GRIK2: variants seen among roughly 807,000 people sequenced by gnomAD.
The protein encoded by GRIK2 is glutamate receptor ionotropic, kainate 2.
In GRIK2, 32 loss-of-function variants were observed where a neutral mutation model predicts 100.3. That is an observed-to-expected ratio of 0.32 (90% CI 0.24 to 0.43). The LOEUF (loss-of-function observed/expected upper bound fraction) is 0.43, where lower values mean the gene tolerates loss of function less well. Ranked by LOEUF, GRIK2 falls within the 20% of genes least tolerant of loss-of-function variation. The probability of loss-of-function intolerance (pLI) is 1.00; values close to 1 mark genes in which losing one functional copy is unlikely to be tolerated. For synonymous variants in GRIK2, 417 were observed against 389.4 expected (o/e 1.07, Z -0.83); for missense variants, 843 against 1,114.9 (o/e 0.76, Z 3.47).
intron 14 of GRIK2, among the ~76,000 whole-genome samples, chr6:101,992,097 G>A (rs1054580069): frequency 6.6e-5 from 10 of 151,634 alleles, no homozygotes; most frequent in African/African-American, 2.4e-4. Flanking sequence ...TTTAGTATTT[G>A]TGCAGGCATC....
At chr6:101,508,951 C>T (rs1046383310) in intron 2 of GRIK2, among the ~76,000 whole-genome samples, 7 of 151,806 alleles carry the variant, frequency 4.6e-5, no homozygotes, top group Non-Finnish European at 8.8e-5. Context: ...GGCAGGAGAT[C>T]GAGACCATCC....
intron 4 of GRIK2, among the ~76,000 whole-genome samples, chr6:101,647,840 G>A (rs191227670): frequency 2.3e-3 from 347 of 152,126 alleles, no homozygotes; most frequent in Middle Eastern, 0.01. Context: ...GAAGCAGAAG[G>A]CAACATTACA....
At chr6:101,920,945 G>T (rs553873017) in intron 12 of GRIK2, among the ~76,000 whole-genome samples, 1 of 152,050 alleles carries the variant, frequency 6.6e-6, no homozygotes, top group South Asian at 2.1e-4. Flanking sequence ...CTGGGAAGCG[G>T]TATATAGAGA....
chr6:101,865,547 G>A (rs1338502099), intron 11 of GRIK2, among the ~76,000 whole-genome samples: 1 of 152,120 alleles, frequency 6.6e-6, no homozygotes, highest in Non-Finnish European at 1.5e-5. Flanking sequence ...ACAGCACATT[G>A]TTTAATTTTG....
intron 3 of GRIK2, among the ~76,000 whole-genome samples, chr6:101,622,616 T>C (rs937245144): frequency 6.6e-6 from 1 of 152,036 alleles, no homozygotes; most frequent in Non-Finnish European, 1.5e-5. Context: ...GTATATTCCA[T>C]GCTCATATTT....
chr6:101,945,126 A>G (rs2128477016), intron 14 of GRIK2, among the ~76,000 whole-genome samples: 1 of 152,274 alleles, frequency 6.6e-6, no homozygotes, highest in Non-Finnish European at 1.5e-5. Flanking sequence ...ATTATTGGAA[A>G]TTTGTTTGAA....
intron 14 of GRIK2, among the ~76,000 whole-genome samples, chr6:102,034,626 C>T (rs1447882453): frequency 1.3e-5 from 2 of 151,238 alleles, no homozygotes; most frequent in African/African-American, 2.4e-5. Flanking sequence ...GTAAAGCCCT[C>T]CTGAGAATTT....
rs944858384 is a variant in GRIK2 at position 101,956,733 on chromosome 6, G to C, written c.2085+28101G>C. Among the ~76,000 whole-genome samples, 4 of 150,446 alleles carry C rather than the reference G, an allele frequency of 2.7e-5. No homozygotes were observed. In the East Asian group the frequency reaches 5.8e-4, roughly 22 times the overall value. On this transcript the variant is annotated intron_variant, in intron 14 of 16. Coordinates refer to ENST00000369134, the MANE Select transcript of GRIK2 (RefSeq NM_021956.5). Reference sequence around the variant, plus strand: ...TGATTTCATTCTTTTTTATGGCTAAGTAGTATTACATGGGGTGTATGTGTG... The same window carrying C: ...TGATTTCATTCTTTTTTATGGCTAACTAGTATTACATGGGGTGTATGTGTG...
intron 14 of GRIK2, among the ~76,000 whole-genome samples, chr6:101,935,276 AT>A (rs1790544177): frequency 6.6e-6 from 1 of 151,940 alleles, no homozygotes; most frequent in African/African-American, 2.4e-5. Flanking sequence ...TTTAGGTGCT[AT>A]TAACTAGCCA....
intron 10 of GRIK2, among the ~76,000 whole-genome samples, chr6:101,819,074 CT>C (rs755071197): frequency 3.9e-5 from 6 of 152,164 alleles, no homozygotes; most frequent in Middle Eastern, 3.4e-3. Flanking sequence ...GTTTTTACCC[CT>C]CTTATATTTA....
At chr6:101,411,706 T>C (rs1039503670) in intron 2 of GRIK2, among the ~76,000 whole-genome samples, 1 of 152,112 alleles carries the variant, frequency 6.6e-6, no homozygotes, top group Admixed American at 6.6e-5. Flanking sequence ...AGATATTTTA[T>C]AATTCTTCAC....
intron 7 of GRIK2, among the ~76,000 whole-genome samples, chr6:101,748,769 T>C (rs187871520): frequency 3.9e-5 from 6 of 152,254 alleles, no homozygotes; most frequent in Admixed American, 2.0e-4. Flanking sequence ...TGTACATGTA[T>C]TGACTTACAA....
chr6:101,682,571 A>G lies in GRIK2; in HGVS notation c.742A>G (p.Met248Val). The change falls in exon 6 of 17, where the codon ATG becomes GTG. Residue 248 changes from methionine to valine, a missense_variant. Met to Val is a conservative substitution (Grantham distance 21). Transcript: ENST00000369134. ...ILKQALAMGM[M>V]TEYYHYIFTT... is the part of the protein sequence containing the mutation. ...TCCTTAGGCATTAGCTATGGGAATG[A>G]TGACAGAATACTATCATTATATCTT... 7.5e-7 allele frequency: 1 copy of G among 1,336,640 alleles called. No individual in the cohort carries two copies. Among genetic ancestry groups the G allele is most frequent in the Non-Finnish European group, 1.1e-6 (1 of 935,492 alleles). The allele number at this position is 1,336,640 out of a possible 1,614,324, so 82.8% of individuals were successfully genotyped here.
At chr6:101,919,265 G>A (rs541796782) in intron 12 of GRIK2, among the ~76,000 whole-genome samples, 1 of 151,854 alleles carries the variant, frequency 6.6e-6, no homozygotes, top group South Asian at 2.1e-4. Context: ...AGTAGAGACA[G>A]TTTTAGAAAG....
intron 7 of GRIK2, among the ~76,000 whole-genome samples, chr6:101,774,796 A>G (rs1778638845): frequency 6.6e-6 from 1 of 152,126 alleles, no homozygotes; most frequent in South Asian, 2.1e-4. Context: ...AAAGGAGTTT[A>G]GATAATGTGG....
At chr6:101,764,256 C>T (rs1777909082) in intron 7 of GRIK2, among the ~76,000 whole-genome samples, 1 of 152,122 alleles carries the variant, frequency 6.6e-6, no homozygotes. Flanking sequence ...CCATACCTCT[C>T]CTTTGAGCCA....
chr6:101,934,231 T>C (rs1790478922), intron 14 of GRIK2, among the ~76,000 whole-genome samples: 1 of 151,876 alleles, frequency 6.6e-6, no homozygotes, highest in Admixed American at 6.6e-5. Context: ...ACCAAAGATA[T>C]CGTCACATAA....
intron 7 of GRIK2, among the ~76,000 whole-genome samples, chr6:101,782,419 A>G (rs941239353): frequency 3.3e-5 from 5 of 152,014 alleles, no homozygotes; most frequent in African/African-American, 1.2e-4. Context: ...CATGAGACCA[A>G]CCTTTCCATA....
intron 2 of GRIK2, among the ~76,000 whole-genome samples, chr6:101,435,198 A>G (rs1234036729): frequency 6.6e-6 from 1 of 152,014 alleles, no homozygotes; most frequent in African/African-American, 2.4e-5. Flanking sequence ...GCAGTGTGAC[A>G]ATGTCTTGCA....
Sources: allele counts gnomAD v4.1 joint callset (sites outside exome capture counted in the v4.1 genomes callset), GRCh38; gene constraint gnomAD v4.1.1; transcripts MANE v1.5; gene names NCBI Gene and HGNC (gene_info 2026-07-23, HGNC 2026-07-21).